Variants in CDH13 observed in about 807,000 individuals in gnomAD.
The protein encoded by CDH13 is cadherin-13.
In CDH13, 24 loss-of-function variants were observed where a neutral mutation model predicts 63.8. The observed-to-expected ratio is 0.38, with a 90% confidence interval of 0.27 to 0.53. CDH13 has a LOEUF of 0.53. Ranked by LOEUF, CDH13 falls within the 20% of genes least tolerant of loss-of-function variation. The pLI, the probability that CDH13 is intolerant of heterozygous loss-of-function variation, is 0.85. For missense variants in CDH13, 1,049 were observed against 903.1 expected (o/e 1.16, Z -2.07); for synonymous variants, 503 against 355.3 (o/e 1.42, Z -4.67).
intron 3 of CDH13, among the ~76,000 whole-genome samples, chr16:83,090,763 A>G (rs2033867594): frequency 6.6e-6 from 1 of 152,152 alleles, no homozygotes; most frequent in Admixed American, 6.5e-5. Flanking sequence ...CTTGATTTTC[A>G]AAGCAAACTT....
At chr16:83,557,848 G>A (rs2075633452) in intron 7 of CDH13, among the ~76,000 whole-genome samples, 1 of 152,066 alleles carries the variant, frequency 6.6e-6, no homozygotes, top group Admixed American at 6.6e-5. Context: ...AGGCAATTAG[G>A]GCACATGCTT....
chr16:83,018,284 G>C (rs1915005541), intron 2 of CDH13, among the ~76,000 whole-genome samples: 2 of 152,176 alleles, frequency 1.3e-5, no homozygotes, highest in Non-Finnish European at 2.9e-5. Flanking sequence ...TGGGGTCTAA[G>C]CTTCTAGACG....
rs550875603 is a variant in CDH13 at position 82,968,574 on chromosome 16, A to G, written c.158-63436A>G. Reference sequence around the variant, plus strand: ...TTGGTTTCTCTCCACTTTTTAACACACTGCAGTGTAATTCCCTCCACTATC... The same window carrying G: ...TTGGTTTCTCTCCACTTTTTAACACGCTGCAGTGTAATTCCCTCCACTATC... On this transcript the variant is annotated intron_variant, in intron 2 of 13. Transcript: ENST00000567109. Among the ~76,000 whole-genome samples the G allele has an allele frequency of 1.4e-3, 220 of 152,108 alleles. 1 individual carries two copies. Among genetic ancestry groups the G allele is most frequent in the African/African-American group, 5.0e-3 (209 of 41,494 alleles).
chr16:82,873,860 T>G (rs768075914), intron 2 of CDH13, among the ~76,000 whole-genome samples: 9 of 152,174 alleles, frequency 5.9e-5, no homozygotes, highest in Non-Finnish European at 1.2e-4. Context: ...TTCTTCCTAC[T>G]TCTTCTGAGA....
intron 7 of CDH13, among the ~76,000 whole-genome samples, chr16:83,489,923 G>A (rs1455126337): frequency 4.0e-5 from 6 of 151,610 alleles, no homozygotes; most frequent in East Asian, 1.9e-4. Context: ...GTCTTCATTC[G>A]CAGTATCTCA....
At position 83,019,917 on chromosome 16, in the gene CDH13, A is replaced by G. The variant is rs80342276; in HGVS notation, c.158-12093A>G. Among the ~76,000 whole-genome samples the G allele has an allele frequency of 6.6e-4, 100 of 152,140 alleles. 1 individual carries two copies. In the East Asian group the frequency reaches 0.018, roughly 27 times the overall value. On this transcript the variant is annotated intron_variant, in intron 2 of 13. Transcript: ENST00000567109. ...AGCATAGTTGTTTATTATCATTACCAAATATTACATATGGCACATAATTTT... is the reference window on the plus strand; with the variant it reads ...AGCATAGTTGTTTATTATCATTACCGAATATTACATATGGCACATAATTTT...
At chr16:83,517,714 G>A (rs558452084) in intron 7 of CDH13, among the ~76,000 whole-genome samples, 105 of 152,240 alleles carry the variant, frequency 6.9e-4, no homozygotes, top group African/African-American at 2.4e-3. Context: ...GGATCTAAGG[G>A]CAAAAATGCT....
At chr16:83,430,333 C>G (rs1009260287) in intron 6 of CDH13, among the ~76,000 whole-genome samples, 1 of 152,188 alleles carries the variant, frequency 6.6e-6, no homozygotes, top group Non-Finnish European at 1.5e-5. Flanking sequence ...CACACACATA[C>G]TCCCACACAG....
At chr16:83,483,114 C>T (rs2073810244) in intron 6 of CDH13, among the ~76,000 whole-genome samples, 1 of 152,198 alleles carries the variant, frequency 6.6e-6, no homozygotes, top group Non-Finnish European at 1.5e-5. Context: ...ATAATGTGGC[C>T]ACGGTCACGC....
At chr16:83,327,767 T>C (rs150494821) in intron 5 of CDH13, among the ~76,000 whole-genome samples, 77 of 152,300 alleles carry the variant, frequency 5.1e-4, no homozygotes, top group African/African-American at 1.7e-3. Context: ...GAGCAAGTCA[T>C]GAAAACTCTT....
intron 5 of CDH13, among the ~76,000 whole-genome samples, chr16:83,260,682 G>A (rs1459888766): frequency 6.6e-6 from 1 of 152,126 alleles, no homozygotes; most frequent in Non-Finnish European, 1.5e-5. Context: ...TGCAAAGTTG[G>A]AACCTTGTGT....
intron 10 of CDH13, chr16:83,721,322 G>A (rs1282068804): frequency 6.6e-6 from 1 of 152,352 alleles, no homozygotes; most frequent in African/African-American, 2.4e-5. Flanking sequence ...GAGCCCTGAA[G>A]AACGCAGGTT....
chr16:83,200,983 T>A (rs73606367), intron 4 of CDH13, among the ~76,000 whole-genome samples: 3,770 of 148,434 alleles, frequency 0.025, 163 homozygotes, highest in African/African-American at 0.085. Context: ...TATTGGGATC[T>A]TTTAACTAGG....
chr16:83,658,269 G>A (rs1181311615), intron 8 of CDH13, among the ~76,000 whole-genome samples: 48 of 57,494 alleles, frequency 8.3e-4, no homozygotes, highest in South Asian at 2.3e-3. Flanking sequence ...ACCAGGTCCC[G>A]TATCCTCACC....
chr16:82,635,423 A>G (rs1908535037), intron 1 of CDH13, among the ~76,000 whole-genome samples: 1 of 152,182 alleles, frequency 6.6e-6, no homozygotes, highest in Admixed American at 6.5e-5. Context: ...TATTCAGGGG[A>G]AACACCACAC....
At chr16:83,721,309 C>G (rs1028352704) in intron 10 of CDH13, 3 of 152,180 alleles carry the variant, frequency 2.0e-5, no homozygotes, top group Non-Finnish European at 4.4e-5. Flanking sequence ...TAACCCATAC[C>G]CAGAGCCCTG....
intron 7 of CDH13, among the ~76,000 whole-genome samples, chr16:83,553,076 C>G (rs1165632801): frequency 2.6e-5 from 2 of 77,732 alleles, no homozygotes; most frequent in East Asian, 7.1e-4. Flanking sequence ...GAGACTCCAT[C>G]TCAAAAAAAA....
chr16:83,176,224 G>T (rs2038117097), intron 4 of CDH13, among the ~76,000 whole-genome samples: 1 of 151,038 alleles, frequency 6.6e-6, no homozygotes, highest in Non-Finnish European at 1.5e-5. Context: ...TGTACTTAAA[G>T]ATTGTGGCTA....
chr16:83,499,115 C>A (rs1655529232), intron 7 of CDH13, among the ~76,000 whole-genome samples: 1 of 152,100 alleles, frequency 6.6e-6, no homozygotes, highest in Non-Finnish European at 1.5e-5. Context: ...TTTAAAGCAC[C>A]AAATGAAATG....
Sources: gnomAD v4.1 joint callset for allele counts (sites outside exome capture counted in the v4.1 genomes callset) on GRCh38, gnomAD v4.1.1 for gene constraint, MANE v1.5 for transcripts, NCBI Gene and HGNC (gene_info 2026-07-23, HGNC 2026-07-21) for gene names.